SFXN1: variants seen among roughly 807,000 people sequenced by gnomAD.
The protein encoded by SFXN1 is sideroflexin 1.
A neutral mutation model predicts 39.5 loss-of-function variants in SFXN1; 32 were observed. The observed-to-expected ratio is 0.81, with a 90% CI of 0.61 to 1.09. SFXN1 has a LOEUF of 1.09. SFXN1 is among the 50% of genes least tolerant of loss of function. The probability of loss-of-function intolerance (pLI) is 0.00; values close to 1 mark genes in which losing one functional copy is unlikely to be tolerated. For synonymous variants in SFXN1, 136 were observed against 146.5 expected (o/e 0.93, Z 0.52); for missense variants, 402 against 407.1 (o/e 0.99, Z 0.11).
chr5:175,485,775 G>A (rs1344920011), intron 1 of SFXN1, among the ~76,000 whole-genome samples: 5 of 152,166 alleles, frequency 3.3e-5, no homozygotes, highest in Admixed American at 1.3e-4. Context: ...CCAGGATTTC[G>A]GTGGGTTTAA....
chr5:175,513,453 T>C lies in SFXN1; in HGVS notation c.597-10T>C. Reference sequence around the variant, plus strand: ...TTGGTGGAGCTCTCTGTATGTGTTTTGCTCTGCAGGGAACTCAAAGTTGGC... The same window carrying C: ...TTGGTGGAGCTCTCTGTATGTGTTTCGCTCTGCAGGGAACTCAAAGTTGGC... On this transcript the variant is annotated splice_polypyrimidine_tract_variant and intron_variant, in intron 6 of 10. Coordinates refer to ENST00000321442, the MANE Select transcript of SFXN1 (RefSeq NM_022754.7). 6.2e-7 allele frequency: 1 copy of C among 1,613,516 alleles called. No individual in the cohort carries two copies. Among genetic ancestry groups the C allele is most frequent in the Non-Finnish European group, 8.5e-7 (1 of 1,179,598 alleles).
chr5:175,489,876 G>A (rs1265699885), intron 1 of SFXN1, among the ~76,000 whole-genome samples: 3 of 152,124 alleles, frequency 2.0e-5, no homozygotes, highest in Admixed American at 6.5e-5. Context: ...TTCCTTCCCC[G>A]CACCCTTCTC....
At chr5:175,522,486 A>G in intron 10 of SFXN1, 64 bp downstream of exon 10, 1 of 1,492,890 alleles carries the variant, frequency 6.7e-7, no homozygotes, top group South Asian at 1.2e-5. Context: ...TTGAAGGTGC[A>G]GGTGCCATTA....
At chr5:175,484,412 C>G (rs1298147803) in intron 1 of SFXN1, among the ~76,000 whole-genome samples, 1 of 152,246 alleles carries the variant, frequency 6.6e-6, no homozygotes, top group Non-Finnish European at 1.5e-5. Context: ...GCCCCACAAC[C>G]CGGCCCTCCT....
chr5:175,513,638 G>C, intron 7 of SFXN1, 48 bp downstream of exon 7: 1 of 1,598,636 alleles, frequency 6.3e-7, no homozygotes, highest in Non-Finnish European at 8.6e-7. Context: ...TTGAACCAGC[G>C]TTCACGGATC....
intron 8 of SFXN1, among the ~76,000 whole-genome samples, chr5:175,519,537 C>T (rs960569880): frequency 2.6e-5 from 4 of 152,038 alleles, no homozygotes; most frequent in Non-Finnish European, 4.4e-5. Context: ...AACATGAAGG[C>T]GTCTCAAAGT....
chr5:175,490,103 G>A (rs1046408492), intron 1 of SFXN1, among the ~76,000 whole-genome samples: 1 of 152,156 alleles, frequency 6.6e-6, no homozygotes, highest in Non-Finnish European at 1.5e-5. Context: ...CTGAAACTCT[G>A]CACCTGGGCT....
At chr5:175,497,034 C>G (rs1303698585) in intron 2 of SFXN1, among the ~76,000 whole-genome samples, 3 of 152,088 alleles carry the variant, frequency 2.0e-5, no homozygotes, top group Admixed American at 2.0e-4. Context: ...GAATTACAGG[C>G]ACCTGCCATC....
intron 1 of SFXN1, among the ~76,000 whole-genome samples, chr5:175,481,091 T>C (rs1362205988): frequency 3.9e-5 from 6 of 152,360 alleles, no homozygotes; most frequent in East Asian, 3.9e-4. Context: ...TTGATTCTTA[T>C]ACATGGATGG....
intron 1 of SFXN1, among the ~76,000 whole-genome samples, chr5:175,480,007 G>A (rs1179439299): frequency 1.3e-5 from 2 of 152,146 alleles, no homozygotes; most frequent in African/African-American, 4.8e-5. Context: ...AGATGAGAGG[G>A]AACTGTTTGG....
chr5:175,510,244 T>C (rs2113333291), intron 4 of SFXN1, 37 bp downstream of exon 4: 3 of 1,520,342 alleles, frequency 2.0e-6, no homozygotes, highest in Non-Finnish European at 2.7e-6. Context: ...CTGCAGTTCT[T>C]CAACCTTCAT....
intron 10 of SFXN1, among the ~76,000 whole-genome samples, chr5:175,525,308 C>T (rs1761023764): frequency 2.0e-5 from 3 of 152,168 alleles, no homozygotes; most frequent in African/African-American, 7.2e-5. Flanking sequence ...CCTCAGGTTT[C>T]CTTACCTGTA....
chr5:175,496,568 A>G (rs1050243739), intron 2 of SFXN1, among the ~76,000 whole-genome samples: 3 of 152,228 alleles, frequency 2.0e-5, no homozygotes, highest in Non-Finnish European at 4.4e-5. Flanking sequence ...ATATGCATGA[A>G]CAGAAAATTG....
At chr5:175,526,215 G>A (rs1311397192) in intron 10 of SFXN1, among the ~76,000 whole-genome samples, 1 of 149,040 alleles carries the variant, frequency 6.7e-6, no homozygotes, top group Non-Finnish European at 1.5e-5. Context: ...CATTAATGTA[G>A]GCAGATTATC....
intron 1 of SFXN1, among the ~76,000 whole-genome samples, chr5:175,484,376 C>T (rs867054724): frequency 2.6e-5 from 4 of 152,350 alleles, no homozygotes; most frequent in Admixed American, 1.3e-4. Context: ...TCGTTCCCTC[C>T]CCACGATGGT....
chr5:175,495,206 G>T (rs1239040050), intron 2 of SFXN1, among the ~76,000 whole-genome samples: 5 of 152,168 alleles, frequency 3.3e-5, no homozygotes, highest in Admixed American at 3.3e-4. Context: ...AGTCACAAAA[G>T]GACAAATATT....
intron 10 of SFXN1, among the ~76,000 whole-genome samples, chr5:175,524,921 A>C (rs145817233): frequency 6.6e-6 from 1 of 152,202 alleles, no homozygotes; most frequent in South Asian, 2.1e-4. Flanking sequence ...AAATTTCTGG[A>C]AAAAATATTA....
intron 9 of SFXN1, 109 bp from the exon 10 acceptor site, chr5:175,522,266 G>C: frequency 8.8e-7 from 1 of 1,135,736 alleles, no homozygotes; most frequent in East Asian, 2.4e-5. Flanking sequence ...AGACAACACA[G>C]AACGTAATGC....
At chr5:175,498,782 A>G (rs1417126337) in intron 2 of SFXN1, among the ~76,000 whole-genome samples, 1 of 152,204 alleles carries the variant, frequency 6.6e-6, no homozygotes, top group Non-Finnish European at 1.5e-5. Flanking sequence ...TACAGTATAT[A>G]GGTTACCAAA....
Sources: gnomAD v4.1 joint callset for allele counts (sites outside exome capture counted in the v4.1 genomes callset) on GRCh38, gnomAD v4.1.1 for gene constraint, MANE v1.5 for transcripts, NCBI Gene and HGNC (gene_info 2026-07-23, HGNC 2026-07-21) for gene names.